FBXW2: variants seen among roughly 807,000 people sequenced by gnomAD.
FBXW2 encodes the protein F-box/WD repeat-containing protein 2.
In FBXW2, 12 loss-of-function variants were observed where a neutral mutation model predicts 46.0. The ratio of observed to expected loss-of-function variants is 0.26; its 90% CI spans 0.17 to 0.42. The LOEUF (loss-of-function observed/expected upper bound fraction) is 0.42. Ranked by LOEUF, FBXW2 falls within the 10% of genes least tolerant of loss-of-function variation. FBXW2 has a pLI of 1.00. For missense variants in FBXW2, 360 were observed against 537.0 expected, an observed-to-expected ratio of 0.67 and a Z score of 3.26; for synonymous variants, 203 against 209.6, an observed-to-expected ratio of 0.97 and a Z score of 0.27.
At chr9:120,792,796 T>C (rs2044876812) in intron 2 of FBXW2, 1 of 1,123,226 alleles carries the variant, frequency 8.9e-7, no homozygotes, top group Non-Finnish European at 1.2e-6. Flanking sequence ...CTCGGCACGC[T>C]GTAAGCCTAC....
At chr9:120,766,465 T>TTTTA (rs933950326) in intron 7 of FBXW2, among the ~76,000 whole-genome samples, 4 of 152,090 alleles carry the variant, frequency 2.6e-5, no homozygotes, top group South Asian at 2.1e-4. Context: ...TTTTAATTAT[T>TTTTA]TTTATTTATT....
At chr9:120,785,801 C>T (rs2131364888) in intron 3 of FBXW2, among the ~76,000 whole-genome samples, 1 of 152,036 alleles carries the variant, frequency 6.6e-6, no homozygotes, top group Non-Finnish European at 1.5e-5. Flanking sequence ...GGGTGGATCA[C>T]CTGAGGTCAG....
chr9:120,777,736 C>G (rs534402228), intron 4 of FBXW2, among the ~76,000 whole-genome samples: 13 of 110,538 alleles, frequency 1.2e-4, no homozygotes, highest in Admixed American at 3.8e-4. Flanking sequence ...AAAAAAGCAA[C>G]AGAGAGAGAA....
At chr9:120,787,695 G>A in intron 3 of FBXW2, 74 bp downstream of exon 3, 31 of 1,470,572 alleles carry the variant, frequency 2.1e-5, no homozygotes, top group Non-Finnish European at 2.8e-5. Context: ...CATTCTCAAA[G>A]CTCAAGACTG....
rs183606890 is a variant in FBXW2, at chr9:120,776,403, T to C, written c.686-177A>G. The C allele has an allele frequency of 1.1e-4, 72 of 658,778 alleles. No individual in the cohort carries two copies. In the East Asian group the frequency reaches 1.5e-3, roughly 14 times the overall value. 40.8% of individuals were successfully genotyped at this position (658,778 alleles called of 1,614,324 possible). A position where few individuals can be genotyped will look rare whatever the true frequency, so the allele number is the denominator to read the frequency against. On this transcript the variant is annotated intron_variant, in intron 4 of 7. Transcript: ENST00000608872. ...AACTATTTCAAAATTCTTACTATTATAGCTTATTATTCTAAGGTGGAAAGT... is the reference window on the plus strand; with the variant it reads ...AACTATTTCAAAATTCTTACTATTACAGCTTATTATTCTAAGGTGGAAAGT...
intron 2 of FBXW2, among the ~76,000 whole-genome samples, chr9:120,790,055 T>C (rs750681263): frequency 2.5e-4 from 38 of 152,238 alleles, no homozygotes; most frequent in Non-Finnish European, 4.7e-4. Context: ...AACAACCCTC[T>C]TATCTATACA....
chr9:120,789,380 A>C (rs1038484923), intron 2 of FBXW2, among the ~76,000 whole-genome samples: 1 of 152,240 alleles, frequency 6.6e-6, no homozygotes, highest in Non-Finnish European at 1.5e-5. Context: ...AATTTTTTTT[A>C]AAGTATCCTG....
intron 5 of FBXW2, among the ~76,000 whole-genome samples, chr9:120,775,159 A>T (rs945368302): frequency 7.9e-5 from 12 of 152,044 alleles, no homozygotes; most frequent in African/African-American, 2.7e-4. Context: ...CCCAGCTTCA[A>T]GTTAATTCCC....
intron 7 of FBXW2, among the ~76,000 whole-genome samples, chr9:120,769,522 C>G (rs1324708626): frequency 6.6e-6 from 1 of 152,192 alleles, no homozygotes; most frequent in Admixed American, 6.5e-5. Context: ...AGCATTAAAA[C>G]AACTATGACA....
At chr9:120,791,847 G>C (rs2044849026) in intron 2 of FBXW2, among the ~76,000 whole-genome samples, 1 of 152,048 alleles carries the variant, frequency 6.6e-6, no homozygotes, top group Non-Finnish European at 1.5e-5. Flanking sequence ...CCCTACCCCA[G>C]AGTTAACATT....
intron 7 of FBXW2, 46 bp downstream of exon 7, chr9:120,771,302 G>A (rs2044369979): frequency 6.4e-7 from 1 of 1,551,732 alleles, no homozygotes; most frequent in Non-Finnish European, 8.7e-7. Context: ...CTACTGAACT[G>A]CAGCAGGCTT....
intron 3 of FBXW2, among the ~76,000 whole-genome samples, chr9:120,782,993 G>A (rs1434153483): frequency 6.6e-6 from 1 of 152,118 alleles, no homozygotes; most frequent in African/African-American, 2.4e-5. Context: ...TTCTGGAAAT[G>A]GATAGTGGTG....
At chr9:120,787,421 G>GT (rs1032467472) in intron 3 of FBXW2, among the ~76,000 whole-genome samples, 3 of 152,208 alleles carry the variant, frequency 2.0e-5, no homozygotes, top group East Asian at 1.9e-4. Flanking sequence ...TTTTTCCACT[G>GT]TTTTTTTCCT....
Position 120,777,314 on chromosome 9 carries a change from T to C in FBXW2, c.685+1037A>G, listed in dbSNP as rs546379112. Among the ~76,000 whole-genome samples, 156 of 152,298 alleles carry C rather than the reference T, an allele frequency of 1.0e-3. 1 individual carries two copies. Among genetic ancestry groups the C allele is most frequent in the African/African-American group, 3.5e-3 (146 of 41,544 alleles). On this transcript the variant is annotated intron_variant, in intron 4 of 7. Coordinates refer to ENST00000608872, the MANE Select transcript of FBXW2 (RefSeq NM_012164.4). ...ACAGCAAAGACTGAAGAAGAGTATA[T>C]AGGAGGACAAATAAAATGAAGCAAA... is the stretch of plus-strand genomic sequence containing the variant.
rs1240153470 is a variant in FBXW2, at chr9:120,760,397, G to A, written c.*4162C>T. ...TGTAATCCCGGCACTTTGGGAGGTAGAGGCGGGCAGAACACGAGGTCAAGA... is the reference window on the plus strand; with the variant it reads ...TGTAATCCCGGCACTTTGGGAGGTAAAGGCGGGCAGAACACGAGGTCAAGA... On this transcript the variant is annotated 3_prime_UTR_variant, in exon 8 of 8. Coordinates refer to ENST00000608872, the MANE Select transcript of FBXW2 (RefSeq NM_012164.4). The A allele has an allele frequency of 6.6e-6, 1 of 152,398 alleles. No individual in the cohort carries two copies. Among genetic ancestry groups the A allele is most frequent in the African/African-American group, 2.4e-5 (1 of 41,572 alleles). The allele number at this position is 152,398 out of a possible 1,614,324, so 9.4% of individuals were successfully genotyped here. A position where few individuals can be genotyped will look rare whatever the true frequency, so the allele number is the denominator to read the frequency against.
At chr9:120,788,373 T>C in intron 2 of FBXW2, 95 bp from the exon 3 acceptor site, 6 of 1,220,324 alleles carry the variant, frequency 4.9e-6, no homozygotes, top group Non-Finnish European at 6.8e-6. Flanking sequence ...GTGTAAAAAA[T>C]CTGCCATTAC....
rs1334056037 is a variant in FBXW2, at chr9:120,781,788, C to T, written c.491-3243G>A. On this transcript the variant is annotated intron_variant, in intron 3 of 7. Coordinates refer to ENST00000608872, the MANE Select transcript of FBXW2 (RefSeq NM_012164.4). The stretch of plus-strand genomic sequence containing the variant: ...CTGTAATCCCAACACTTTGGGAGGC[C>T]GAGGCGGGAGGATCACCTGAGGTCA... 5.3e-5 allele frequency among the ~76,000 whole-genome samples: 8 copies of T among 151,948 alleles called. No individual in the cohort carries two copies. In the East Asian group the frequency reaches 5.8e-4, roughly 11 times the overall value.
At chr9:120,764,932 A>C in intron 7 of FBXW2, 85 bp from the exon 8 acceptor site, 1 of 1,117,934 alleles carries the variant, frequency 8.9e-7, no homozygotes, top group Non-Finnish European at 1.2e-6. Context: ...AGATATTTAA[A>C]ACCAATATTA....
In FBXW2 at chr9:120,764,022, T is replaced by TTC. The variant is rs1294443405; in HGVS notation, c.*535_*536dup. On this transcript the variant is annotated 3_prime_UTR_variant, in exon 8 of 8. Transcript: ENST00000608872. ...TTGGATTTGAACTGGAAGACAGACT[T>TTC]TCCTTAGCACTGGTATTTGGTGGAA... The TTC allele has an allele frequency of 5.5e-6, 1 of 181,538 alleles. No homozygotes were observed. The highest frequency in any genetic ancestry group is 1.1e-5 in the Non-Finnish European group (1 of 88,302). 11.2% of individuals were successfully genotyped at this position (181,538 alleles called of 1,614,324 possible).
Sources: gnomAD v4.1 joint callset for allele counts (sites outside exome capture counted in the v4.1 genomes callset) on GRCh38, gnomAD v4.1.1 for gene constraint, MANE v1.5 for transcripts, NCBI Gene and HGNC (gene_info 2026-07-23, HGNC 2026-07-21) for gene names.